DPYD: variants seen among roughly 807,000 people sequenced by gnomAD.
The protein encoded by DPYD is dihydropyrimidine dehydrogenase [NADP(+)].
In DPYD, 109 loss-of-function variants were observed where a neutral mutation model predicts 116.2. That is an observed-to-expected ratio of 0.94 (90% CI 0.80 to 1.10). The LOEUF is 1.10. Ranked by LOEUF, DPYD falls within the 50% of genes least tolerant of loss-of-function variation. The probability of loss-of-function intolerance (pLI) is 0.00; values close to 1 mark genes in which losing one functional copy is unlikely to be tolerated. For missense variants in DPYD, 1,302 were observed against 1,254.5 expected, an observed-to-expected ratio of 1.04 and a Z score of -0.57; for synonymous variants, 440 against 432.0, an observed-to-expected ratio of 1.02 and a Z score of -0.23.
At chr1:97,173,574 GATC>G (rs1047824021) in intron 20 of DPYD, among the ~76,000 whole-genome samples, 1 of 147,830 alleles carries the variant, frequency 6.8e-6, no homozygotes, top group African/African-American at 2.5e-5. Flanking sequence ...TTTAACAATT[GATC>G]ATCAATGATA....
intron 1 of DPYD, among the ~76,000 whole-genome samples, chr1:97,904,001 A>G (rs1673488214): frequency 6.6e-6 from 1 of 151,820 alleles, no homozygotes; most frequent in Non-Finnish European, 1.5e-5. Flanking sequence ...GCTAACATCT[A>G]TTTCCAACTC....
At position 97,462,751 on chromosome 1, in the gene DPYD, G is replaced by A. The variant is rs11165876; in HGVS notation, c.1741-12528C>T. ...ACATATTTTGAAATGGTCCTGCAAA[G>A]TTGTCTCTTGTGGGGAAAATCTACT... On this transcript the variant is annotated intron_variant, in intron 13 of 22. Coordinates refer to ENST00000370192, the MANE Select transcript of DPYD (RefSeq NM_000110.4). Among the ~76,000 whole-genome samples the A allele has an allele frequency of 9.1e-3, 1,389 of 152,278 alleles. 27 individuals are homozygous for A. Among genetic ancestry groups the A allele is most frequent in the African/African-American group, 0.032 (1,335 of 41,546 alleles).
At chr1:97,715,801 T>C (rs1662580753) in intron 5 of DPYD, among the ~76,000 whole-genome samples, 1 of 152,094 alleles carries the variant, frequency 6.6e-6, no homozygotes, top group Non-Finnish European at 1.5e-5. Context: ...TATTTCTGTC[T>C]CCACTCTTCT....
intron 4 of DPYD, among the ~76,000 whole-genome samples, chr1:97,736,357 A>G (rs1663940281): frequency 6.6e-6 from 1 of 152,030 alleles, no homozygotes. Context: ...AAGTAAAAAA[A>G]ATGGAAATAA....
intron 8 of DPYD, among the ~76,000 whole-genome samples, chr1:97,642,165 C>T (rs887218240): frequency 2.0e-5 from 3 of 151,992 alleles, no homozygotes; most frequent in Admixed American, 6.5e-5. Flanking sequence ...GTGAAAATGG[C>T]CATAGAGCCC....
rs763008163 is a variant in DPYD, at chr1:97,593,254, T to G, written c.1092A>C (p.Arg364Ser). 4.3e-6 allele frequency: 7 copies of G among 1,613,974 alleles called. No individual in the cohort carries two copies. In the African/African-American group the frequency reaches 9.3e-5, roughly 22 times the overall value. Residue 364 changes from arginine to serine, a missense_variant, in exon 10 of 23, where the codon AGA becomes AGC. By Grantham distance (110) the Arg-to-Ser change is moderately radical (BLOSUM62 -1). Coordinates refer to ENST00000370192, the MANE Select transcript of DPYD (RefSeq NM_000110.4). ...CAGCTCTTATATTAACAAAGCCTTTTCTGAAGACGATGAACACACGGCGAG... is the reference window on the plus strand; with the variant it reads ...CAGCTCTTATATTAACAAAGCCTTTGCTGAAGACGATGAACACACGGCGAG... Reference protein sequence around the residue: ...CGARRVFIVFRKGFVNIRAVP... With the variant: ...CGARRVFIVFSKGFVNIRAVP...
chr1:97,373,498 T>C (rs1214442379), intron 16 of DPYD, 63 bp downstream of exon 16: 29 of 1,406,064 alleles, frequency 2.1e-5, no homozygotes, highest in Non-Finnish European at 2.8e-5. Flanking sequence ...GTATAGTAAC[T>C]ATCCATACGG....
chr1:97,185,439 T>C (rs1036298324), intron 20 of DPYD, among the ~76,000 whole-genome samples: 7 of 152,136 alleles, frequency 4.6e-5, no homozygotes, highest in African/African-American at 1.7e-4. Flanking sequence ...CTTGTAAAAC[T>C]TATGCATCCA....
At position 97,450,087 on chromosome 1, in the gene DPYD, G is replaced by C. The variant is rs1570752617; in HGVS notation, c.1877C>G (p.Thr626Ser). The change falls in exon 14 of 23, where the codon ACT (threonine) becomes AGT (serine). Residue 626 changes from threonine (T) to serine (S), a missense_variant. Thr to Ser is a moderately conservative substitution (Grantham distance 58). Transcript: ENST00000370192. Reference protein sequence around the residue: ...KTAAYWCQSVTELKADFPDNI... With the variant: ...KTAAYWCQSVSELKADFPDNI... ...GTCTGGAAAGTCAGCCTTTAGTTCA[G>C]TGACACTTTGACACCAATATGCAGC... 1 of 1,613,936 alleles carries C rather than the reference G, an allele frequency of 6.2e-7. No homozygotes were observed. The highest frequency in any genetic ancestry group is 8.5e-7 in the Non-Finnish European group (1 of 1,179,896).
intron 16 of DPYD, among the ~76,000 whole-genome samples, chr1:97,326,838 T>C (rs1300452430): frequency 1.3e-5 from 2 of 152,026 alleles, no homozygotes; most frequent in African/African-American, 4.8e-5. Context: ...TCTATAACTG[T>C]GTTTTACATA....
At chr1:97,727,250 A>G (rs1663317581) in intron 4 of DPYD, among the ~76,000 whole-genome samples, 1 of 151,818 alleles carries the variant, frequency 6.6e-6, no homozygotes, top group African/African-American at 2.4e-5. Context: ...AGAGAATCAT[A>G]GCCACATCAT....
At chr1:97,212,616 A>AT (rs1660111811) in intron 19 of DPYD, among the ~76,000 whole-genome samples, 1 of 152,130 alleles carries the variant, frequency 6.6e-6, no homozygotes, top group Non-Finnish European at 1.5e-5. Context: ...TGTATGGTAC[A>AT]TTTTTGTAAC....
At chr1:97,844,945 C>T (rs1265841132) in intron 2 of DPYD, among the ~76,000 whole-genome samples, 1 of 152,236 alleles carries the variant, frequency 6.6e-6, no homozygotes, top group Non-Finnish European at 1.5e-5. Flanking sequence ...TGGGTGTGCA[C>T]ACATTTGCAG....
intron 8 of DPYD, among the ~76,000 whole-genome samples, chr1:97,602,832 C>A (rs1325478725): frequency 6.6e-6 from 1 of 151,792 alleles, no homozygotes; most frequent in Non-Finnish European, 1.5e-5. Context: ...TATAATATTG[C>A]AATTTGCTTA....
chr1:97,871,667 T>C (rs546292518), intron 2 of DPYD, among the ~76,000 whole-genome samples: 2 of 151,770 alleles, frequency 1.3e-5, no homozygotes, highest in East Asian at 3.9e-4. Flanking sequence ...TTTTTGTGGC[T>C]GTTTCTCTCT....
At chr1:97,876,500 C>G (rs182360046) in intron 2 of DPYD, among the ~76,000 whole-genome samples, 5 of 152,000 alleles carry the variant, frequency 3.3e-5, no homozygotes, top group Admixed American at 3.3e-4. Flanking sequence ...TTTCTATAAT[C>G]TTTCCCATCC....
intron 11 of DPYD, among the ~76,000 whole-genome samples, chr1:97,563,964 TA>T (rs1557801737): frequency 6.6e-6 from 1 of 152,106 alleles, no homozygotes; most frequent in Non-Finnish European, 1.5e-5. Flanking sequence ...AGAAAGATGA[TA>T]AATCTTTCAA....
At chr1:97,698,369 A>G (rs575784232) in intron 6 of DPYD, among the ~76,000 whole-genome samples, 34 of 151,984 alleles carry the variant, frequency 2.2e-4, no homozygotes, top group Non-Finnish European at 1.0e-4. Context: ...ATTTTATATT[A>G]TCTTGGGCTT....
chr1:97,816,052 T>C (rs1278646023), intron 3 of DPYD, among the ~76,000 whole-genome samples: 1 of 152,048 alleles, frequency 6.6e-6, no homozygotes, highest in Non-Finnish European at 1.5e-5. Context: ...CATTTACATT[T>C]TTAATTTTTA....
Sources: allele counts gnomAD v4.1 joint callset (sites outside exome capture counted in the v4.1 genomes callset), GRCh38; gene constraint gnomAD v4.1.1; transcripts MANE v1.5; gene names NCBI Gene and HGNC (gene_info 2026-07-23, HGNC 2026-07-21).